PIEZO2: variants seen among roughly 807,000 people sequenced by gnomAD.
PIEZO2 encodes the protein piezo-type mechanosensitive ion channel component 2.
Under a neutral mutation model 337.3 loss-of-function variants are expected in PIEZO2, and 172 were observed. The observed-to-expected ratio is 0.51, with a 90% confidence interval of 0.45 to 0.58. The LOEUF (loss-of-function observed/expected upper bound fraction) is 0.58. Ranked by LOEUF, PIEZO2 falls within the 20% of genes least tolerant of loss-of-function variation. The pLI is 0.00. For synonymous variants in PIEZO2, 1,251 were observed against 1,228.5 expected (o/e 1.02, Z -0.38); for missense variants, 3,028 against 3,391.3 (o/e 0.89, Z 2.66).
rs1052983383 is a variant in PIEZO2, at chr18:10,869,537, G to C, written c.492+1716C>G. 4.6e-5 allele frequency among the ~76,000 whole-genome samples: 7 copies of C among 152,192 alleles called. No individual in the cohort carries two copies. In the South Asian group the frequency reaches 1.4e-3, roughly 32 times the overall value. On this transcript the variant is annotated intron_variant, in intron 5 of 55. Transcript: ENST00000674853. ...ATAACAAATACCCAGTCTGAAGAAT[G>C]TGAGTTACTGGTTTACTTTCCCCAA...
intron 4 of PIEZO2, among the ~76,000 whole-genome samples, chr18:10,879,148 C>T (rs1348488196): frequency 6.6e-6 from 1 of 152,174 alleles, no homozygotes; most frequent in African/African-American, 2.4e-5. Context: ...CACTACAGGG[C>T]ATTTAACAAT....
chr18:11,065,638 G>C (rs1158391126), intron 2 of PIEZO2, among the ~76,000 whole-genome samples: 1 of 152,100 alleles, frequency 6.6e-6, no homozygotes, highest in African/African-American at 2.4e-5. Flanking sequence ...ATGCTATTGA[G>C]ACATATTTAA....
chr18:10,684,343 T>A (rs1012029054), intron 49 of PIEZO2, among the ~76,000 whole-genome samples: 7 of 146,622 alleles, frequency 4.8e-5, no homozygotes, highest in African/African-American at 1.3e-4. Context: ...TTTTTTGTAT[T>A]TTTAGTAGAG....
intron 2 of PIEZO2, among the ~76,000 whole-genome samples, chr18:11,062,895 C>G (rs1352259256): frequency 6.6e-6 from 1 of 152,138 alleles, no homozygotes; most frequent in Non-Finnish European, 1.5e-5. Flanking sequence ...TTTGACACAG[C>G]AATCGCATTA....
chr18:10,678,126 G>A (rs962171190), intron 52 of PIEZO2, among the ~76,000 whole-genome samples: 37 of 152,162 alleles, frequency 2.4e-4, no homozygotes, highest in African/African-American at 8.2e-4. Context: ...GGAACCTGCT[G>A]ACCAAAAGAG....
At chr18:11,118,231 T>C (rs535393583) in intron 1 of PIEZO2, among the ~76,000 whole-genome samples, 5 of 152,334 alleles carry the variant, frequency 3.3e-5, no homozygotes, top group African/African-American at 1.2e-4. Flanking sequence ...CAGCTAGGTC[T>C]TGTTCCACAG....
chr18:11,050,934 AC>A (rs1598884070), intron 2 of PIEZO2, among the ~76,000 whole-genome samples: 1 of 151,906 alleles, frequency 6.6e-6, no homozygotes, highest in East Asian at 1.9e-4. Context: ...TCAGAAACCT[AC>A]CCCTTTCAAA....
At chr18:10,762,479 T>C in intron 23 of PIEZO2, 21 bp downstream of exon 23, 1 of 1,532,928 alleles carries the variant, frequency 6.5e-7, no homozygotes, top group Non-Finnish European at 8.7e-7. Flanking sequence ...AGGCCCAAAC[T>C]AAGCACGACA....
intron 43 of PIEZO2, among the ~76,000 whole-genome samples, chr18:10,700,560 C>G (rs1367319503): frequency 6.6e-6 from 1 of 151,770 alleles, no homozygotes; most frequent in Non-Finnish European, 1.5e-5. Context: ...AGCAGTTAAG[C>G]CATTTGAACA....
chr18:10,934,997 C>T (rs1454426815), intron 3 of PIEZO2, among the ~76,000 whole-genome samples: 1 of 152,120 alleles, frequency 6.6e-6, no homozygotes, highest in Non-Finnish European at 1.5e-5. Context: ...AGCAGAAAAG[C>T]CAGGATTCTC....
intron 5 of PIEZO2, among the ~76,000 whole-genome samples, chr18:10,868,942 G>A (rs2042073034): frequency 1.3e-5 from 2 of 152,220 alleles, no homozygotes; most frequent in South Asian, 2.1e-4. Flanking sequence ...ATGGTTATCT[G>A]TTATGAATGG....
chr18:11,104,960 C>T lies in PIEZO2; in HGVS notation c.65-38738G>A, dbSNP rs1347867726. ...TCCCAGCAGGGCCACAGCGTGTCCT[C>T]TCTGGGACTTTCGCTGGAGCTAATG... On this transcript the variant is annotated intron_variant, in intron 1 of 55. Coordinates refer to ENST00000674853, the MANE Select transcript of PIEZO2 (RefSeq NM_001378183.1). This position sits in a 1 kb window ranked among gnomAD's most constrained non-coding sequence, Gnocchi z 4.6. Among the ~76,000 whole-genome samples, 1 of 152,090 alleles carries T rather than the reference C, an allele frequency of 6.6e-6. No homozygotes were observed. Among genetic ancestry groups the T allele is most frequent in the Admixed American group, 6.5e-5 (1 of 15,276 alleles).
At chr18:10,950,960 G>T (rs1191055368) in intron 3 of PIEZO2, among the ~76,000 whole-genome samples, 1 of 152,118 alleles carries the variant, frequency 6.6e-6, no homozygotes, top group African/African-American at 2.4e-5. Context: ...TGTGAAAGTC[G>T]ATCATACAAA....
At chr18:10,867,994 A>G (rs932312362) in intron 5 of PIEZO2, among the ~76,000 whole-genome samples, 1 of 152,228 alleles carries the variant, frequency 6.6e-6, no homozygotes, top group African/African-American at 2.4e-5. Flanking sequence ...GGAGCAAGGC[A>G]CAGGCTCCCA....
chr18:11,103,558 C>T (rs2039477323), intron 1 of PIEZO2, among the ~76,000 whole-genome samples: 1 of 152,152 alleles, frequency 6.6e-6, no homozygotes, highest in Non-Finnish European at 1.5e-5. Context: ...AAATGAAAGG[C>T]TTAAGCCTTT....
rs1024303804 is a variant in PIEZO2 at position 11,033,500 on chromosome 18, C to T, written c.160+32627G>A. 6.6e-6 allele frequency among the ~76,000 whole-genome samples: 1 copy of T among 152,170 alleles called. No individual in the cohort carries two copies. The highest frequency in any genetic ancestry group is 2.4e-5 in the African/African-American group (1 of 41,442). On this transcript the variant is annotated intron_variant, in intron 2 of 55. Transcript: ENST00000674853. The surrounding 1 kb of genome is among the most constrained non-coding windows in gnomAD (Gnocchi z 4.2). ...TGATTTAGAGAAAGTGACATTTTGCCATGTTTTTTACAGAATTGCCTCCAA... is the reference window on the plus strand; with the variant it reads ...TGATTTAGAGAAAGTGACATTTTGCTATGTTTTTTACAGAATTGCCTCCAA...
At chr18:10,801,882 C>G (rs1013817482) in intron 9 of PIEZO2, among the ~76,000 whole-genome samples, 1 of 151,924 alleles carries the variant, frequency 6.6e-6, no homozygotes, top group Non-Finnish European at 1.5e-5. Context: ...GCCAGGGGAT[C>G]GAGACCATCC....
intron 2 of PIEZO2, among the ~76,000 whole-genome samples, chr18:11,055,753 C>A (rs1036794803): frequency 1.3e-5 from 2 of 152,194 alleles, no homozygotes; most frequent in Non-Finnish European, 2.9e-5. Flanking sequence ...AAGTGACACC[C>A]AGGCCCAGGT....
chr18:10,727,056 A>C lies in PIEZO2; in HGVS notation c.5029+4351T>G. The C allele has an allele frequency of 1.7e-6, 1 of 575,612 alleles. No homozygotes were observed. The allele number at this position is 575,612 out of a possible 1,614,324, so 35.7% of individuals were successfully genotyped here. A position where few individuals can be genotyped will look rare whatever the true frequency, so the allele number is the denominator to read the frequency against. On this transcript the variant is annotated intron_variant, in intron 36 of 55. Transcript: ENST00000674853. This position sits in a 1 kb window ranked among gnomAD's most constrained non-coding sequence, Gnocchi z 6.3. ...TGGGTGTTTCTTGGGGGGTGTTGGG[A>C]GGGCAGGAGCATTCCTTGAGAAGGA...
Sources: gnomAD v4.1 joint callset for allele counts (sites outside exome capture counted in the v4.1 genomes callset) on GRCh38, gnomAD v4.1.1 for gene constraint, Gnocchi (gnomAD v3.1) non-coding constraint, MANE v1.5 for transcripts, NCBI Gene and HGNC (gene_info 2026-07-23, HGNC 2026-07-21) for gene names.